Variants in FGF14 observed in about 807,000 individuals in gnomAD.
The protein encoded by FGF14 is fibroblast growth factor 14.
Under a neutral mutation model 25.5 loss-of-function variants are expected in FGF14, and 5 were observed. That is an observed-to-expected ratio of 0.20 (90% CI 0.10 to 0.41). The LOEUF is 0.41. Ranked by LOEUF, FGF14 falls within the 10% of genes least tolerant of loss-of-function variation. The pLI, the probability that FGF14 is intolerant of heterozygous loss-of-function variation, is 1.00. For missense variants in FGF14, 222 were observed against 320.1 expected, an observed-to-expected ratio of 0.69 and a Z score of 2.34; for synonymous variants, 138 against 118.3, an observed-to-expected ratio of 1.17 and a Z score of -1.08.
At chr13:102,085,941 A>C (rs1327450714) in intron 1 of FGF14, among the ~76,000 whole-genome samples, 1 of 152,196 alleles carries the variant, frequency 6.6e-6, no homozygotes, top group African/African-American at 2.4e-5. Flanking sequence ...CTTGAAAACC[A>C]AGCCTCTGAT....
chr13:101,823,885 C>T (rs141533854), intron 3 of FGF14, among the ~76,000 whole-genome samples: 2,925 of 146,420 alleles, frequency 0.02, 40 homozygotes, highest in Non-Finnish European at 0.031. Context: ...TATTAAAAAT[C>T]CTATATGGCA....
rs2042878655 is a variant in FGF14 at position 101,835,461 on chromosome 13, C to T, written c.408+33264G>A. 2.0e-5 allele frequency among the ~76,000 whole-genome samples: 3 copies of T among 151,938 alleles called. No homozygotes were observed. In the South Asian group the frequency reaches 6.2e-4, roughly 32 times the overall value. On this transcript the variant is annotated intron_variant, in intron 3 of 4. Transcript: ENST00000376143. ...TTTATATGCCGTTTGCAGTGTCTTGCTCTTATATTTTTCCAATTTTATTGG... is the reference window on the plus strand; with the variant it reads ...TTTATATGCCGTTTGCAGTGTCTTGTTCTTATATTTTTCCAATTTTATTGG...
chr13:102,369,295 A>G (rs2057807168), intron 1 of FGF14, among the ~76,000 whole-genome samples: 1 of 152,186 alleles, frequency 6.6e-6, no homozygotes, highest in Non-Finnish European at 1.5e-5. Flanking sequence ...AACAGCATGC[A>G]TTCTGCTGCT....
chr13:101,938,667 C>A (rs193074511), intron 1 of FGF14, among the ~76,000 whole-genome samples: 11 of 152,270 alleles, frequency 7.2e-5, no homozygotes, highest in Admixed American at 3.3e-4. Context: ...AAGCTAAGCA[C>A]ATTTTTAAAA....
At chr13:102,018,705 G>A (rs2040477672) in intron 1 of FGF14, among the ~76,000 whole-genome samples, 1 of 151,824 alleles carries the variant, frequency 6.6e-6, no homozygotes, top group South Asian at 2.1e-4. Context: ...CATCCCTGAG[G>A]CCTCTTCATC....
intron 3 of FGF14, among the ~76,000 whole-genome samples, chr13:101,775,988 A>G (rs1186901486): frequency 6.6e-6 from 1 of 152,188 alleles, no homozygotes; most frequent in Non-Finnish European, 1.5e-5. Context: ...AATTCATGGA[A>G]GCGTTACACA....
intron 1 of FGF14, among the ~76,000 whole-genome samples, chr13:102,243,299 G>T (rs746553132): frequency 3.3e-5 from 5 of 152,064 alleles, no homozygotes; most frequent in Non-Finnish European, 5.9e-5. Flanking sequence ...AAATACAGAA[G>T]AAATTGACTT....
intron 1 of FGF14, among the ~76,000 whole-genome samples, chr13:102,112,945 G>A (rs896456807): frequency 3.3e-5 from 5 of 152,130 alleles, no homozygotes; most frequent in African/African-American, 9.7e-5. Context: ...CTAAGACATA[G>A]TTCTTGTACT....
At chr13:101,875,088 A>G (rs2045321615) in intron 2 of FGF14, 98 bp downstream of exon 2, 2 of 834,006 alleles carry the variant, frequency 2.4e-6, no homozygotes, top group Admixed American at 1.9e-5. Context: ...AGATGAACCA[A>G]CACGACCAAA....
intron 1 of FGF14, among the ~76,000 whole-genome samples, chr13:102,220,620 GTTCT>G (rs2050568825): frequency 6.6e-6 from 1 of 152,138 alleles, no homozygotes; most frequent in Non-Finnish European, 1.5e-5. Flanking sequence ...ATTTGATCAC[GTTCT>G]TGCTTTAAAA....
At chr13:102,103,431 T>C (rs2044751522) in intron 1 of FGF14, among the ~76,000 whole-genome samples, 1 of 148,670 alleles carries the variant, frequency 6.7e-6, no homozygotes, top group African/African-American at 2.5e-5. Flanking sequence ...TGCTAGGATA[T>C]AAATAAGATT....
intron 1 of FGF14, among the ~76,000 whole-genome samples, chr13:102,069,773 T>C (rs572274094): frequency 2.0e-5 from 3 of 151,360 alleles, no homozygotes; most frequent in African/African-American, 2.5e-5. Flanking sequence ...TAACACTCAC[T>C]GCGAGGGTCT....
chr13:101,843,696 C>G (rs1166345334), intron 3 of FGF14, among the ~76,000 whole-genome samples: 1 of 151,932 alleles, frequency 6.6e-6, no homozygotes, highest in Non-Finnish European at 1.5e-5. Context: ...ATAACTACAT[C>G]TGCTTCAGGG....
intron 3 of FGF14, among the ~76,000 whole-genome samples, chr13:101,786,853 G>A (rs184720783): frequency 6.6e-6 from 1 of 152,126 alleles, no homozygotes; most frequent in Non-Finnish European, 1.5e-5. Context: ...ATTTATATAG[G>A]CTGGTGGAAG....
intron 1 of FGF14, among the ~76,000 whole-genome samples, chr13:102,157,802 A>G (rs2047418551): frequency 6.6e-6 from 1 of 152,224 alleles, no homozygotes; most frequent in South Asian, 2.1e-4. Context: ...CAGAATCTAC[A>G]AAGAACTCAA....
intron 1 of FGF14, among the ~76,000 whole-genome samples, chr13:102,324,606 G>T (rs943141513): frequency 6.6e-6 from 1 of 152,114 alleles, no homozygotes; most frequent in Non-Finnish European, 1.5e-5. Context: ...GAACAGAGCA[G>T]GCCCTCAAAA....
At chr13:102,127,797 T>C (rs1198018618) in intron 1 of FGF14, among the ~76,000 whole-genome samples, 1 of 152,238 alleles carries the variant, frequency 6.6e-6, no homozygotes, top group East Asian at 1.9e-4. Context: ...CGAGTGGTGT[T>C]CACAATGAGA....
intron 3 of FGF14, among the ~76,000 whole-genome samples, chr13:101,760,041 G>A (rs1279994108): frequency 6.6e-6 from 1 of 152,152 alleles, no homozygotes; most frequent in Non-Finnish European, 1.5e-5. Flanking sequence ...GCAAAAAATA[G>A]GGGTGACTCC....
chr13:102,086,064 T>C (rs925792068), intron 1 of FGF14, among the ~76,000 whole-genome samples: 1 of 152,172 alleles, frequency 6.6e-6, no homozygotes, highest in Admixed American at 6.5e-5. Context: ...TTAAAACCCA[T>C]GTAGGGATTA....
Sources: gnomAD v4.1 joint callset for allele counts (sites outside exome capture counted in the v4.1 genomes callset) on GRCh38, gnomAD v4.1.1 for gene constraint, MANE v1.5 for transcripts, NCBI Gene and HGNC (gene_info 2026-07-23, HGNC 2026-07-21) for gene names.